Variants in TACC2 observed in about 807,000 individuals in gnomAD.
The protein encoded by TACC2 is transforming acidic coiled-coil containing protein 2.
TACC2 carries 137 observed loss-of-function variants against 227.3 expected under a neutral mutation model. The observed-to-expected ratio is 0.60, with a 90% CI of 0.52 to 0.69. TACC2 has a LOEUF of 0.69. Among genes scored for constraint, TACC2 ranks in the 30% least tolerant of loss-of-function variants. TACC2 has a pLI of 0.00. For missense variants in TACC2, 3,470 were observed against 3,694.4 expected, an observed-to-expected ratio of 0.94 and a Z score of 1.57; for synonymous variants, 1,523 against 1,487.5, an observed-to-expected ratio of 1.02 and a Z score of -0.55.
intron 19 of TACC2, among the ~76,000 whole-genome samples, chr10:122,242,219 C>T (rs1342717830): frequency 2.0e-5 from 3 of 152,202 alleles, no homozygotes; most frequent in Admixed American, 2.0e-4. Flanking sequence ...TATTCACACC[C>T]ATGGAAAGCC....
intron 7 of TACC2, among the ~76,000 whole-genome samples, chr10:122,184,128 G>T (rs1039943717): frequency 2.6e-5 from 4 of 152,178 alleles, no homozygotes; most frequent in Non-Finnish European, 5.9e-5. Context: ...ACACTTCGCA[G>T]CCCCTGGCTG....
At position 122,210,734 on chromosome 10, in the gene TACC2, C is replaced by T. The variant is rs1172685149; in HGVS notation, c.6309C>T (p.Pro2103=). The part of the protein sequence containing the change: ...DFDGASSSGN[P]EAVALAPDAY... Reference sequence around the variant, plus strand: ...ATGGTGCTTCTTCCTCAGGCAATCCCGAGGCCGTGGCCCTTGCCCCAGATG... The same window carrying T: ...ATGGTGCTTCTTCCTCAGGCAATCCTGAGGCCGTGGCCCTTGCCCCAGATG... Residue 2103 remains proline, a synonymous_variant, in exon 9 of 23, where the codon CCC becomes CCT. Coordinates refer to ENST00000369005, the MANE Select transcript of TACC2 (RefSeq NM_206862.4). This position sits in a 1 kb window ranked among gnomAD's most constrained non-coding sequence, Gnocchi z 4.6. 8.1e-6 allele frequency: 13 copies of T among 1,613,910 alleles called. No individual in the cohort carries two copies. The highest frequency in any genetic ancestry group is 2.2e-5 in the East Asian group (1 of 44,878).
In TACC2 at chr10:122,210,125, T is replaced by C; in HGVS notation, c.5972-272T>C. 2.0e-6 allele frequency: 1 copy of C among 501,392 alleles called. No homozygotes were observed. Among genetic ancestry groups the C allele is most frequent in the South Asian group, 2.4e-5 (1 of 40,894 alleles). 31.1% of individuals were successfully genotyped at this position (501,392 alleles called of 1,614,324 possible). ...GTCCTGATTAGGCACTTGGTGAATG[T>C]TTTTGAATGAATACTCTGAGCTGTT... is the stretch of plus-strand genomic sequence containing the variant. On this transcript the variant is annotated intron_variant, in intron 8 of 22. Transcript: ENST00000369005. The surrounding 1 kb of genome is among the most constrained non-coding windows in gnomAD (Gnocchi z 4.6).
intron 9 of TACC2, among the ~76,000 whole-genome samples, chr10:122,214,393 A>G (rs1468253308): frequency 1.3e-5 from 2 of 152,198 alleles, no homozygotes; most frequent in African/African-American, 4.8e-5. Flanking sequence ...ATTTGAGAGA[A>G]CACAAGGAAG....
At chr10:122,238,128 G>C (rs938502430) in intron 18 of TACC2, 91 bp downstream of exon 18, 23 of 959,562 alleles carry the variant, frequency 2.4e-5, no homozygotes, top group African/African-American at 4.9e-5. Flanking sequence ...ACAGAAGAGT[G>C]TCTTCTGTGG....
At chr10:122,049,945 G>A (rs2075489172) in intron 2 of TACC2, among the ~76,000 whole-genome samples, 1 of 152,150 alleles carries the variant, frequency 6.6e-6, no homozygotes, top group African/African-American at 2.4e-5. Context: ...CCAAGTGGTT[G>A]GGTCCAGATT....
At chr10:122,159,558 G>C (rs898089949) in intron 7 of TACC2, among the ~76,000 whole-genome samples, 1 of 152,146 alleles carries the variant, frequency 6.6e-6, no homozygotes, top group African/African-American at 2.4e-5. Context: ...TGTGTGACAC[G>C]GGGCTGGATG....
intron 1 of TACC2, among the ~76,000 whole-genome samples, chr10:122,009,755 A>C (rs11599190): frequency 0.17 from 25,554 of 151,868 alleles, 2,215 homozygotes; most frequent in Non-Finnish European, 0.19. Context: ...ATGAAACCCC[A>C]TCTCTACTGA....
chr10:122,132,060 GAAAGAAA>G (rs2088311276), intron 5 of TACC2, among the ~76,000 whole-genome samples: 2 of 16,094 alleles, frequency 1.2e-4, no homozygotes, highest in African/African-American at 4.4e-4. Context: ...AAGAAAGAAA[GAAAGAAA>G]AAGAAAGAAA....
In TACC2 at chr10:122,170,490, C is replaced by T. The variant is rs2093416645; in HGVS notation, c.5835-24550C>T. On this transcript the variant is annotated intron_variant, in intron 7 of 22. Transcript: ENST00000369005. ...TTTAATTTTGTATTTTCAGTAGAGA[C>T]GGGGTTTCATCATGTTGGCCAGGCT... Among the ~76,000 whole-genome samples the T allele has an allele frequency of 2.0e-5, 3 of 151,654 alleles. No homozygotes were observed. The South Asian group carries it at 6.2e-4, about 32-fold the overall frequency.
intron 18 of TACC2, chr10:122,241,707 C>T: frequency 3.5e-6 from 2 of 563,490 alleles, no homozygotes; most frequent in Admixed American, 3.0e-5. Flanking sequence ...GGACTGCAGG[C>T]ATGCACCACT....
chr10:122,088,414 G>A, intron 4 of TACC2, 64 bp from the exon 5 acceptor site: 2 of 1,413,428 alleles, frequency 1.4e-6, no homozygotes, highest in Non-Finnish European at 1.9e-6. Context: ...TTTTCAATAG[G>A]ACATGAGGAG....
In TACC2 at chr10:122,223,719, G is replaced by A. The variant is rs560818922; in HGVS notation, c.7547-1007G>A. 3.9e-5 allele frequency among the ~76,000 whole-genome samples: 6 copies of A among 152,250 alleles called. No homozygotes were observed. The South Asian group carries it at 1.0e-3, about 26-fold the overall frequency. ...CTTTAGCAATAGGCAGAAATAAAGGGGCTTTAAACCAGAACTGCTATTTAT... is the reference window on the plus strand; with the variant it reads ...CTTTAGCAATAGGCAGAAATAAAGGAGCTTTAAACCAGAACTGCTATTTAT... On this transcript the variant is annotated intron_variant, in intron 11 of 22. Coordinates refer to ENST00000369005, the MANE Select transcript of TACC2 (RefSeq NM_206862.4).
At chr10:122,014,777 C>A (rs1956368241) in intron 1 of TACC2, among the ~76,000 whole-genome samples, 1 of 152,184 alleles carries the variant, frequency 6.6e-6, no homozygotes, top group East Asian at 1.9e-4. Flanking sequence ...CTACCCATTT[C>A]TTCTAGGCTG....
intron 5 of TACC2, 193 bp downstream of exon 5, chr10:122,088,784 G>A (rs1319538300): frequency 6.6e-7 from 1 of 1,512,520 alleles, no homozygotes; most frequent in Admixed American, 2.1e-5. Context: ...GTTGGAAAAG[G>A]GATTGAATGA....
At chr10:122,116,608 A>T (rs539012280) in intron 5 of TACC2, among the ~76,000 whole-genome samples, 6 of 152,344 alleles carry the variant, frequency 3.9e-5, no homozygotes, top group African/African-American at 1.4e-4. Flanking sequence ...GAAGTCATGC[A>T]CATGAATATA....
intron 2 of TACC2, 60 bp downstream of exon 2, chr10:122,022,074 G>T: frequency 6.3e-7 from 1 of 1,579,124 alleles, no homozygotes; most frequent in Non-Finnish European, 8.7e-7. Context: ...CCTTGACTAG[G>T]TTCTTTTTAC....
In TACC2 at chr10:122,198,448, C is replaced by T. The variant is rs549692216; in HGVS notation, c.5971+3272C>T. 4.1e-4 allele frequency among the ~76,000 whole-genome samples: 63 copies of T among 152,294 alleles called. No individual in the cohort carries two copies. In the South Asian group the frequency reaches 8.5e-3, roughly 21 times the overall value. Reference sequence around the variant, plus strand: ...TGACCGTGTTATTAGAACTCAAAACCGGCCACCAAGGGTCATAATTACATG... The same window carrying T: ...TGACCGTGTTATTAGAACTCAAAACTGGCCACCAAGGGTCATAATTACATG... On this transcript the variant is annotated intron_variant, in intron 8 of 22. Transcript: ENST00000369005.
chr10:122,149,871 T>C (rs2091848591), intron 7 of TACC2, among the ~76,000 whole-genome samples: 1 of 152,202 alleles, frequency 6.6e-6, no homozygotes, highest in Non-Finnish European at 1.5e-5. Context: ...TTCTCTTGCC[T>C]CTGAGGCCCA....
Sources: gnomAD v4.1 joint callset for allele counts (sites outside exome capture counted in the v4.1 genomes callset) on GRCh38, gnomAD v4.1.1 for gene constraint, Gnocchi (gnomAD v3.1) non-coding constraint, MANE v1.5 for transcripts, NCBI Gene and HGNC (gene_info 2026-07-23, HGNC 2026-07-21) for gene names.